Variants in LPP observed in about 807,000 individuals in gnomAD.
LPP encodes the protein lipoma-preferred partner.
LPP carries 38 observed loss-of-function variants against 60.4 expected under a neutral mutation model. The ratio of observed to expected loss-of-function variants is 0.63; its 90% CI spans 0.49 to 0.83. LPP has a LOEUF of 0.83. Among genes scored for constraint, LPP ranks in the 40% least tolerant of loss-of-function variants. LPP has a pLI of 0.00. For missense variants in LPP, 902 were observed against 783.6 expected, an observed-to-expected ratio of 1.15 and a Z score of -1.80; for synonymous variants, 328 against 290.8, an observed-to-expected ratio of 1.13 and a Z score of -1.30.
intron 7 of LPP, among the ~76,000 whole-genome samples, chr3:188,618,079 G>A (rs913213758): frequency 6.6e-6 from 1 of 152,138 alleles, no homozygotes; most frequent in Non-Finnish European, 1.5e-5. Context: ...CACAGTGTTA[G>A]GAAGTGTCTT....
chr3:188,488,646 A>T (rs1343168978), intron 5 of LPP, among the ~76,000 whole-genome samples: 1 of 151,586 alleles, frequency 6.6e-6, no homozygotes, highest in East Asian at 1.9e-4. Context: ...TTATTTATTT[A>T]TTTATTTTGA....
At chr3:188,337,180 C>A (rs947346192) in intron 2 of LPP, among the ~76,000 whole-genome samples, 1 of 152,126 alleles carries the variant, frequency 6.6e-6, no homozygotes, top group South Asian at 2.1e-4. Flanking sequence ...GGTGGTTCAA[C>A]GGTAGCTTAG....
intron 7 of LPP, among the ~76,000 whole-genome samples, chr3:188,618,147 C>T (rs942792401): frequency 6.6e-6 from 1 of 152,154 alleles, no homozygotes; most frequent in Non-Finnish European, 1.5e-5. Flanking sequence ...GTCCCACATA[C>T]AAAGATTTAC....
chr3:188,277,742 A>G (rs1740486010), intron 2 of LPP, among the ~76,000 whole-genome samples: 1 of 152,152 alleles, frequency 6.6e-6, no homozygotes, highest in African/African-American at 2.4e-5. Context: ...TCTTGGAGCT[A>G]CATTTAACAC....
chr3:188,872,544 G>A lies in LPP; in HGVS notation c.1590-99G>A, dbSNP rs1768384101. 8 of 1,333,718 alleles carry A rather than the reference G, an allele frequency of 6.0e-6. No individual in the cohort carries two copies. The East Asian group carries it at 6.9e-5, about 12-fold the overall frequency. 82.6% of individuals were successfully genotyped at this position (1,333,718 alleles called of 1,614,324 possible). A position where few individuals can be genotyped will look rare whatever the true frequency, so the allele number is the denominator to read the frequency against. On this transcript the variant is annotated intron_variant, in intron 10 of 11. Transcript: ENST00000617246. Reference sequence around the variant, plus strand: ...CCCTCACCTTACGGATGAGGAAGCAGGTATACCGACTCTCAGTTTCCACCT... The same window carrying A: ...CCCTCACCTTACGGATGAGGAAGCAAGTATACCGACTCTCAGTTTCCACCT...
At chr3:188,271,700 G>T (rs1431220991) in intron 2 of LPP, among the ~76,000 whole-genome samples, 2 of 152,124 alleles carry the variant, frequency 1.3e-5, no homozygotes, top group African/African-American at 4.8e-5. Context: ...GCAATTTTCT[G>T]CTTCTTTGGG....
chr3:188,651,796 C>G (rs1296135384), intron 7 of LPP, among the ~76,000 whole-genome samples: 2 of 152,172 alleles, frequency 1.3e-5, no homozygotes, highest in Non-Finnish European at 2.9e-5. Flanking sequence ...GTCCTTCCCA[C>G]AACACATGGG....
chr3:188,394,195 C>G (rs1780358958), intron 3 of LPP, among the ~76,000 whole-genome samples: 1 of 152,136 alleles, frequency 6.6e-6, no homozygotes, highest in Non-Finnish European at 1.5e-5. Context: ...AAGATGTAAA[C>G]TGAGTGGGAA....
At chr3:188,341,392 A>G (rs1763017562) in intron 2 of LPP, among the ~76,000 whole-genome samples, 1 of 152,218 alleles carries the variant, frequency 6.6e-6, no homozygotes, top group Non-Finnish European at 1.5e-5. Context: ...TATTCATTTT[A>G]TATGGTTTCT....
intron 6 of LPP, among the ~76,000 whole-genome samples, chr3:188,535,283 T>C (rs1167827064): frequency 6.6e-6 from 1 of 152,098 alleles, no homozygotes; most frequent in African/African-American, 2.4e-5. Context: ...TTTGGAAGTT[T>C]TACGTAACAG....
chr3:188,743,401 G>A (rs1413909592), intron 8 of LPP, among the ~76,000 whole-genome samples: 2 of 151,944 alleles, frequency 1.3e-5, no homozygotes, highest in African/African-American at 2.4e-5. Flanking sequence ...GGTTAAGCGT[G>A]TCCACCCAGA....
Position 188,854,660 on chromosome 3 carries a change from T to TA in LPP, c.1411-11539dup, listed in dbSNP as rs1336584874. On this transcript the variant is annotated intron_variant, in intron 9 of 11. Transcript: ENST00000617246. ...TGTTCTCTTTGCCACTCCCAGGAGT[T>TA]ATAGGCTTAAAGTTATCCCTTTCTT... is the stretch of plus-strand genomic sequence containing the variant. 2.0e-5 allele frequency among the ~76,000 whole-genome samples: 3 copies of TA among 152,246 alleles called. No individual in the cohort carries two copies. In the East Asian group the frequency reaches 5.8e-4, roughly 29 times the overall value.
intron 2 of LPP, among the ~76,000 whole-genome samples, chr3:188,274,262 T>A (rs1206550412): frequency 2.0e-5 from 3 of 152,262 alleles, no homozygotes; most frequent in Non-Finnish European, 4.4e-5. Flanking sequence ...TTGCTCAAAT[T>A]GTGAGTCATG....
chr3:188,519,396 A>G (rs895463061), intron 5 of LPP, among the ~76,000 whole-genome samples: 1 of 152,206 alleles, frequency 6.6e-6, no homozygotes, highest in African/African-American at 2.4e-5. Context: ...AATTATTTTA[A>G]AAGTTGGCTT....
At chr3:188,718,658 A>G (rs903381896) in intron 8 of LPP, among the ~76,000 whole-genome samples, 3 of 152,330 alleles carry the variant, frequency 2.0e-5, no homozygotes, top group East Asian at 1.9e-4. Flanking sequence ...TTGTGTTCCT[A>G]TCATTCCTGG....
chr3:188,164,193 G>A (rs1308150640), intron 1 of LPP, among the ~76,000 whole-genome samples: 1 of 152,156 alleles, frequency 6.6e-6, no homozygotes, highest in African/African-American at 2.4e-5. Flanking sequence ...TGAAGGATGG[G>A]AAGGCTTAGA....
At chr3:188,236,964 A>G (rs1022675530) in intron 2 of LPP, among the ~76,000 whole-genome samples, 2 of 152,226 alleles carry the variant, frequency 1.3e-5, no homozygotes, top group Non-Finnish European at 2.9e-5. Context: ...GTAGCATGTG[A>G]TAATGCATAA....
At chr3:188,835,300 TA>T (rs1477433773) in intron 9 of LPP, among the ~76,000 whole-genome samples, 2 of 63,686 alleles carry the variant, frequency 3.1e-5, no homozygotes, top group Non-Finnish European at 6.2e-5. Context: ...CTACTAAAAA[TA>T]CAAAAAAAAA....
At chr3:188,279,540 G>A (rs1196528966) in intron 2 of LPP, among the ~76,000 whole-genome samples, 1 of 152,198 alleles carries the variant, frequency 6.6e-6, no homozygotes, top group African/African-American at 2.4e-5. Flanking sequence ...TATGCTTTCA[G>A]ATTCATTTTA....
Sources: allele counts gnomAD v4.1 joint callset (sites outside exome capture counted in the v4.1 genomes callset), GRCh38; gene constraint gnomAD v4.1.1; transcripts MANE v1.5; gene names NCBI Gene and HGNC (gene_info 2026-07-23, HGNC 2026-07-21).